SOS1: variants seen among roughly 807,000 people sequenced by gnomAD.
SOS1 encodes SOS Ras/Rac guanine nucleotide exchange factor 1.
A neutral mutation model predicts 157.6 loss-of-function variants in SOS1; 25 were observed. The ratio of observed to expected loss-of-function variants is 0.16; its 90% CI spans 0.12 to 0.22. The LOEUF (loss-of-function observed/expected upper bound fraction) is 0.22, where lower values mean the gene tolerates loss of function less well. SOS1 is among the 10% of genes least tolerant of loss of function. The probability of loss-of-function intolerance (pLI) is 1.00; values close to 1 mark genes in which losing one functional copy is unlikely to be tolerated. For synonymous variants in SOS1, 528 were observed against 534.0 expected (o/e 0.99, Z 0.16); for missense variants, 1,237 against 1,599.1 (o/e 0.77, Z 3.86).
At chr2:39,101,801 G>A (rs1006133864) in intron 1 of SOS1, among the ~76,000 whole-genome samples, 1 of 152,164 alleles carries the variant, frequency 6.6e-6, no homozygotes, top group South Asian at 2.1e-4. Flanking sequence ...GGTAACACCA[G>A]GTGAAGGTGA....
At chr2:39,015,834 G>A (rs1187494001) in intron 10 of SOS1, among the ~76,000 whole-genome samples, 2 of 146,344 alleles carry the variant, frequency 1.4e-5, no homozygotes, top group South Asian at 2.1e-4. Context: ...TTTAAGGAGG[G>A]GAAAGTTCAG....
intron 6 of SOS1, 78 bp downstream of exon 6, chr2:39,051,059 TAGCTGGA>T: frequency 8.1e-7 from 1 of 1,238,238 alleles, no homozygotes; most frequent in Non-Finnish European, 1.2e-6. Context: ...TCTATGACTT[TAGCTGGA>T]AAGAAGTAAG....
At chr2:39,077,364 T>G (rs1281331608) in intron 1 of SOS1, among the ~76,000 whole-genome samples, 2 of 151,976 alleles carry the variant, frequency 1.3e-5, no homozygotes, top group African/African-American at 4.8e-5. Context: ...AGAAAAATTT[T>G]TAAACTTTAA....
chr2:39,054,870 C>T lies in SOS1; in HGVS notation c.511-47G>A, dbSNP rs754697135. On this transcript the variant is annotated intron_variant, in intron 4 of 22. Coordinates refer to ENST00000402219, the MANE Select transcript of SOS1 (RefSeq NM_005633.4). The stretch of plus-strand genomic sequence containing the variant: ...AAAGTATAATAAAATATGAAGCTTT[C>T]GTAGAATTTGATGTGAAATGCTCTA... The T allele has an allele frequency of 8.0e-5, 81 of 1,010,618 alleles. No homozygotes were observed. Among genetic ancestry groups the T allele is most frequent in the African/African-American group, 3.7e-4 (23 of 62,620 alleles). 62.6% of individuals were successfully genotyped at this position (1,010,618 alleles called of 1,614,324 possible). A position where few individuals can be genotyped will look rare whatever the true frequency, so the allele number is the denominator to read the frequency against.
At chr2:39,018,404 C>T (rs533303050) in intron 10 of SOS1, among the ~76,000 whole-genome samples, 1 of 151,882 alleles carries the variant, frequency 6.6e-6, no homozygotes, top group Admixed American at 6.6e-5. Flanking sequence ...TCACTAGTTG[C>T]TCTGCTTCCC....
chr2:39,098,484 TTAAC>T (rs1248701241), intron 1 of SOS1: 3 of 153,664 alleles, frequency 2.0e-5, no homozygotes, highest in East Asian at 3.8e-4. Context: ...CTCTCCTAAA[TTAAC>T]TATTTGTTAT....
intron 2 of SOS1, among the ~76,000 whole-genome samples, chr2:39,066,759 G>A (rs1333022281): frequency 6.6e-6 from 1 of 152,110 alleles, no homozygotes; most frequent in Non-Finnish European, 1.5e-5. Context: ...CTCTCAATTG[G>A]TGGGAAATAA....
chr2:39,080,729 AT>A (rs1446841631), intron 1 of SOS1, among the ~76,000 whole-genome samples: 9 of 152,046 alleles, frequency 5.9e-5, no homozygotes, highest in Admixed American at 5.9e-4. Context: ...GGCATATGAG[AT>A]TTTACAAGTT....
In SOS1 at chr2:39,072,382, A is replaced by T. The variant is rs550430615; in HGVS notation, c.88-4629T>A. ...GGGGAATAAAATATTTCTTTCTTGG[A>T]ATTAAAATTGAAAAGGTGTGATGGT... On this transcript the variant is annotated intron_variant, in intron 1 of 22. Transcript: ENST00000402219. 2.0e-5 allele frequency among the ~76,000 whole-genome samples: 3 copies of T among 152,280 alleles called. No homozygotes were observed. The East Asian group carries it at 5.8e-4, about 29-fold the overall frequency.
rs1672437286 is a variant in SOS1 at position 39,087,946 on chromosome 2, T to G, written c.88-20193A>C. On this transcript the variant is annotated intron_variant, in intron 1 of 22. Transcript: ENST00000402219. ...CTCCTGCCTCGGCTTCCCAAAGTGC[T>G]GGGATCACAGGCCACTGCACCCAGC... Among the ~76,000 whole-genome samples the G allele has an allele frequency of 6.6e-5, 10 of 151,900 alleles. No homozygotes were observed. The South Asian group carries it at 2.1e-3, about 32-fold the overall frequency.
intron 1 of SOS1, among the ~76,000 whole-genome samples, chr2:39,111,070 T>C (rs1195405445): frequency 6.6e-6 from 1 of 152,108 alleles, no homozygotes; most frequent in Non-Finnish European, 1.5e-5. Context: ...CTGTCTGTAA[T>C]AAAAATACAA....
At chr2:39,013,407 G>C (rs548215929) in intron 13 of SOS1, 53 bp downstream of exon 13, 4 of 977,228 alleles carry the variant, frequency 4.1e-6, no homozygotes, top group African/African-American at 3.2e-5. Context: ...GATAGTCACC[G>C]TGTTGGTACT....
chr2:39,119,645 CA>C (rs1311004232), intron 1 of SOS1, among the ~76,000 whole-genome samples: 1 of 152,202 alleles, frequency 6.6e-6, no homozygotes, highest in Non-Finnish European at 1.5e-5. Flanking sequence ...TTTAAAAGCA[CA>C]GATCGGGGGT....
chr2:39,072,878 T>C (rs1351334537), intron 1 of SOS1, among the ~76,000 whole-genome samples: 1 of 152,052 alleles, frequency 6.6e-6, no homozygotes, highest in Non-Finnish European at 1.5e-5. Context: ...AAAACAAAAA[T>C]AAAACTTAAA....
intron 21 of SOS1, among the ~76,000 whole-genome samples, chr2:38,988,103 T>C (rs758311715): frequency 2.6e-5 from 4 of 152,180 alleles, no homozygotes; most frequent in Non-Finnish European, 2.9e-5. Flanking sequence ...GAAAGAATCA[T>C]AGTGTCTAGG....
chr2:38,990,576 C>G (rs746383738), intron 20 of SOS1, among the ~76,000 whole-genome samples: 3 of 152,064 alleles, frequency 2.0e-5, no homozygotes, highest in Non-Finnish European at 4.4e-5. Context: ...ATATATGTCC[C>G]ACTTTTCCTG....
At chr2:39,021,494 T>C (rs1377478236) in intron 10 of SOS1, among the ~76,000 whole-genome samples, 1 of 133,162 alleles carries the variant, frequency 7.5e-6, no homozygotes, top group Non-Finnish European at 1.6e-5. Context: ...CAGTAAACAC[T>C]AGTAGTAAGT....
chr2:39,021,894 C>T (rs1425855384), intron 10 of SOS1, among the ~76,000 whole-genome samples: 1 of 151,550 alleles, frequency 6.6e-6, no homozygotes, highest in East Asian at 1.9e-4. Context: ...GGTCATACTA[C>T]CGAAAAATTG....
At chr2:39,016,803 A>T (rs1346720322) in intron 10 of SOS1, among the ~76,000 whole-genome samples, 2 of 152,154 alleles carry the variant, frequency 1.3e-5, no homozygotes, top group Non-Finnish European at 2.9e-5. Flanking sequence ...TCAGGCTAAA[A>T]AGTTGAGGGA....
Sources: gnomAD v4.1 joint callset for allele counts (sites outside exome capture counted in the v4.1 genomes callset) on GRCh38, gnomAD v4.1.1 for gene constraint, MANE v1.5 for transcripts, NCBI Gene and HGNC (gene_info 2026-07-23, HGNC 2026-07-21) for gene names.